Variants in SUMF1 observed in about 807,000 individuals in gnomAD.
The protein encoded by SUMF1 is sulfatase modifying factor 1.
In SUMF1, 48 loss-of-function variants were observed where a neutral mutation model predicts 47.6. The observed-to-expected ratio is 1.01, with a 90% confidence interval of 0.80 to 1.28. The LOEUF (loss-of-function observed/expected upper bound fraction) is 1.28, where lower values mean the gene tolerates loss of function less well. SUMF1 is among the 50% of genes most tolerant of loss of function. The pLI, the probability that SUMF1 is intolerant of heterozygous loss-of-function variation, is 0.00. For missense variants in SUMF1, 571 were observed against 485.4 expected (o/e 1.18, Z -1.66); for synonymous variants, 230 against 192.1 (o/e 1.20, Z -1.63).
At chr3:4,442,887 G>C (rs779364744) in intron 3 of SUMF1, among the ~76,000 whole-genome samples, 1 of 151,366 alleles carries the variant, frequency 6.6e-6, no homozygotes, top group South Asian at 2.1e-4. Flanking sequence ...TCTATAAGAA[G>C]TAAGAGAAGA....
At chr3:4,158,800 T>A (rs1694510317) in intron 8 of SUMF1, among the ~76,000 whole-genome samples, 1 of 151,628 alleles carries the variant, frequency 6.6e-6, no homozygotes, top group African/African-American at 2.4e-5. Context: ...GCATAGGTAC[T>A]TCTGCTCTTT....
chr3:4,253,605 G>T (rs1448020994), intron 8 of SUMF1, among the ~76,000 whole-genome samples: 3 of 151,784 alleles, frequency 2.0e-5, no homozygotes, highest in African/African-American at 4.9e-5. Context: ...TGGCTCAGAG[G>T]GTCCTACGCC....
chr3:4,294,939 C>T (rs1221357479), intron 8 of SUMF1, among the ~76,000 whole-genome samples: 2 of 152,092 alleles, frequency 1.3e-5, no homozygotes, highest in African/African-American at 2.4e-5. Context: ...CGTAGAGATC[C>T]GTCTGCAGCG....
chr3:4,211,122 A>ATATATATAT (rs1695775550), intron 8 of SUMF1, among the ~76,000 whole-genome samples: 1 of 119,758 alleles, frequency 8.4e-6, no homozygotes, highest in Non-Finnish European at 1.7e-5. Context: ...ATATATATAT[A>ATATATATAT]CACACACACA....
chr3:4,293,960 G>A lies in SUMF1; in HGVS notation c.1014+82370C>T, dbSNP rs1575059178. On this transcript the variant is annotated intron_variant and NMD_transcript_variant, in intron 8 of 12. Transcript: ENST00000448413. ...GGAAAGGCTTAGAAACATAAATGGT[G>A]AGAAACTTTATCTTCAGAGAGGCAG... Among the ~76,000 whole-genome samples, 3 of 152,158 alleles carry A rather than the reference G, an allele frequency of 2.0e-5. No individual in the cohort carries two copies. The East Asian group carries it at 5.8e-4, about 29-fold the overall frequency.
chr3:4,128,223 G>C (rs1693702102), intron 8 of SUMF1, among the ~76,000 whole-genome samples: 1 of 152,138 alleles, frequency 6.6e-6, no homozygotes, highest in Non-Finnish European at 1.5e-5. Flanking sequence ...TATCATGCGA[G>C]TGACTGACCT....
At chr3:4,316,669 T>C (rs1162752077) in intron 8 of SUMF1, 3 of 1,551,100 alleles carry the variant, frequency 1.9e-6, no homozygotes, top group Admixed American at 2.0e-5. Context: ...GATCGGATTG[T>C]GACGTGTGAT....
At chr3:4,065,343 G>A (rs1315752130) in intron 9 of SUMF1, among the ~76,000 whole-genome samples, 1 of 152,030 alleles carries the variant, frequency 6.6e-6, no homozygotes, top group Non-Finnish European at 1.5e-5. Flanking sequence ...TAAAACCAAA[G>A]GCCTAGAGCC....
At chr3:4,164,946 C>T (rs1277686977) in intron 8 of SUMF1, among the ~76,000 whole-genome samples, 4 of 152,126 alleles carry the variant, frequency 2.6e-5, no homozygotes, top group Admixed American at 2.6e-4. Flanking sequence ...TCGCGGACAT[C>T]ATCGAATAAT....
intron 8 of SUMF1, among the ~76,000 whole-genome samples, chr3:4,366,749 T>C (rs1305483212): frequency 2.0e-5 from 3 of 152,212 alleles, no homozygotes; most frequent in Admixed American, 6.5e-5. Flanking sequence ...CTTTGTTCCA[T>C]TGCTGGTGAG....
chr3:4,412,758 T>G (rs1457371718), intron 6 of SUMF1, among the ~76,000 whole-genome samples: 1 of 151,908 alleles, frequency 6.6e-6, no homozygotes, highest in Non-Finnish European at 1.5e-5. Flanking sequence ...AGGTGCATGG[T>G]GCACGCCTGT....
In SUMF1 at chr3:4,456,450, C is replaced by G. The variant is rs79215939; in HGVS notation, c.271-3401G>C. Among the ~76,000 whole-genome samples the G allele has an allele frequency of 4.2e-3, 536 of 127,000 alleles. 2 individuals are homozygous for G. The highest frequency in any genetic ancestry group is 0.015 in the African/African-American group (515 of 34,934). 83.3% of individuals were successfully genotyped at this position (127,000 alleles called of 152,430 possible). On this transcript the variant is annotated intron_variant, in intron 1 of 8. Transcript: ENST00000272902. The stretch of plus-strand genomic sequence containing the variant: ...CCCTGACTGTAGATGCCATGTTTTT[C>G]TTTGTTTTTTTTTTTTTTTGAGACG...
chr3:4,427,179 C>T (rs1702096024), intron 3 of SUMF1, among the ~76,000 whole-genome samples: 1 of 152,200 alleles, frequency 6.6e-6, no homozygotes, highest in African/African-American at 2.4e-5. Flanking sequence ...TATGCATACT[C>T]AAGTGTAAAG....
chr3:4,207,765 A>C (rs1050565156), intron 8 of SUMF1, among the ~76,000 whole-genome samples: 4 of 152,164 alleles, frequency 2.6e-5, no homozygotes, highest in East Asian at 1.9e-4. Context: ...CCTCTGCCCC[A>C]AAAACATAGC....
intron 7 of SUMF1, among the ~76,000 whole-genome samples, chr3:4,392,160 A>G (rs1700889665): frequency 6.6e-6 from 1 of 152,108 alleles, no homozygotes; most frequent in African/African-American, 2.4e-5. Context: ...CTTCAGGATC[A>G]CTGAATCTTT....
downstream of SUMF1, among the ~76,000 whole-genome samples, chr3:4,360,578 C>T (rs1320274533): frequency 2.6e-5 from 4 of 151,998 alleles, no homozygotes; most frequent in African/African-American, 9.7e-5. Flanking sequence ...AGTGATCTAC[C>T]CACCTTGGCC....
intron 2 of SUMF1, among the ~76,000 whole-genome samples, chr3:4,452,492 T>C (rs529996297): frequency 9.2e-5 from 14 of 152,270 alleles, no homozygotes; most frequent in Non-Finnish European, 1.9e-4. Context: ...AAAAGTGGTC[T>C]TACTTTACAT....
intron 8 of SUMF1, among the ~76,000 whole-genome samples, chr3:4,222,375 G>C (rs187892091): frequency 6.6e-6 from 1 of 151,924 alleles, no homozygotes; most frequent in Admixed American, 6.6e-5. Flanking sequence ...CACAAGATAC[G>C]GTTCTCATCA....
At chr3:4,124,722 A>C (rs367547717) in intron 8 of SUMF1, among the ~76,000 whole-genome samples, 2 of 152,120 alleles carry the variant, frequency 1.3e-5, no homozygotes, top group Non-Finnish European at 2.9e-5. Context: ...AGAAACAAAA[A>C]TCTTGAGGTT....
Sources: allele counts gnomAD v4.1 joint callset (sites outside exome capture counted in the v4.1 genomes callset), GRCh38; gene constraint gnomAD v4.1.1; transcripts MANE v1.5; gene names NCBI Gene and HGNC (gene_info 2026-07-23, HGNC 2026-07-21).